NRG3: variants seen among roughly 807,000 people sequenced by gnomAD.
NRG3 encodes neuregulin 3, also known as pro-neuregulin-3, membrane-bound isoform.
In NRG3, 31 loss-of-function variants were observed where a neutral mutation model predicts 66.9. That is an observed-to-expected ratio of 0.46 (90% confidence interval 0.35 to 0.63). The LOEUF (loss-of-function observed/expected upper bound fraction) is 0.63. NRG3 is among the 20% of genes least tolerant of loss of function. NRG3 has a pLI of 0.00. For synonymous variants in NRG3, 393 were observed against 359.4 expected (o/e 1.09, Z -1.06); for missense variants, 910 against 878.9 (o/e 1.04, Z -0.45).
At chr10:82,172,302 T>C (rs1336538186) in intron 1 of NRG3, among the ~76,000 whole-genome samples, 1 of 152,122 alleles carries the variant, frequency 6.6e-6, no homozygotes, top group African/African-American at 2.4e-5. Flanking sequence ...CCGTGTTGTC[T>C]AAAAGGCTAA....
intron 2 of NRG3, among the ~76,000 whole-genome samples, chr10:82,678,314 C>G (rs943488283): frequency 6.6e-6 from 1 of 151,418 alleles, no homozygotes. Flanking sequence ...GGGGTGGGAC[C>G]GTTTTATAAG....
chr10:82,815,180 G>T (rs73307250), intron 3 of NRG3, among the ~76,000 whole-genome samples: 1,790 of 152,284 alleles, frequency 0.012, 35 homozygotes, highest in African/African-American at 0.041. Context: ...ATGGCATCCT[G>T]ATGAAAGTTT....
At chr10:82,949,658 C>T (rs959658504) in intron 4 of NRG3, among the ~76,000 whole-genome samples, 19 of 151,984 alleles carry the variant, frequency 1.3e-4, no homozygotes, top group Non-Finnish European at 2.9e-5. Flanking sequence ...AGTTCGAGAC[C>T]AGTCTGGCCA....
chr10:82,542,426 T>G (rs1407350357), intron 2 of NRG3, among the ~76,000 whole-genome samples: 2 of 152,110 alleles, frequency 1.3e-5, no homozygotes, highest in East Asian at 3.9e-4. Context: ...ACCCAGTAAG[T>G]GAAACAAGAT....
At chr10:82,894,743 T>C (rs1389405256) in intron 4 of NRG3, among the ~76,000 whole-genome samples, 4 of 152,190 alleles carry the variant, frequency 2.6e-5, no homozygotes, top group African/African-American at 9.7e-5. Context: ...TAATTTTTTT[T>C]TTAACTTTAA....
chr10:82,188,493 A>G (rs1156709664), intron 1 of NRG3, among the ~76,000 whole-genome samples: 1 of 152,178 alleles, frequency 6.6e-6, no homozygotes, highest in African/African-American at 2.4e-5. Context: ...CAAAGGATAC[A>G]GTCAACAAAG....
intron 1 of NRG3, among the ~76,000 whole-genome samples, chr10:82,146,919 C>T (rs1436598553): frequency 1.3e-5 from 2 of 152,160 alleles, no homozygotes; most frequent in Non-Finnish European, 2.9e-5. Context: ...AGTGAGTAGA[C>T]TGTCTGGGTC....
intron 1 of NRG3, among the ~76,000 whole-genome samples, chr10:82,132,489 T>TCATATATATATATC (rs373173389): frequency 1.8e-5 from 1 of 56,834 alleles, no homozygotes; most frequent in African/African-American, 7.9e-5. Flanking sequence ...GATATATATA[T>TCATATATATATATC]ATGATATATA....
intron 2 of NRG3, among the ~76,000 whole-genome samples, chr10:82,567,144 T>G (rs1179418577): frequency 1.3e-5 from 2 of 151,922 alleles, no homozygotes; most frequent in Non-Finnish European, 2.9e-5. Context: ...ATATTGGAAA[T>G]GAAGATTTTT....
At chr10:82,531,498 T>C (rs530855948) in intron 2 of NRG3, among the ~76,000 whole-genome samples, 6 of 151,952 alleles carry the variant, frequency 3.9e-5, no homozygotes, top group African/African-American at 1.2e-4. Context: ...ACATTGTTTT[T>C]GAATAGAAAT....
chr10:82,004,156 A>G (rs2061290014), intron 1 of NRG3, among the ~76,000 whole-genome samples: 1 of 152,194 alleles, frequency 6.6e-6, no homozygotes, highest in African/African-American at 2.4e-5. Flanking sequence ...AAAATAGGGT[A>G]CATGCCATGT....
At chr10:82,588,791 G>T (rs1260970210) in intron 2 of NRG3, among the ~76,000 whole-genome samples, 1 of 152,068 alleles carries the variant, frequency 6.6e-6, no homozygotes, top group Non-Finnish European at 1.5e-5. Flanking sequence ...GTGAGCCACC[G>T]CACCCAGCCT....
intron 1 of NRG3, among the ~76,000 whole-genome samples, chr10:82,317,320 G>C (rs1416274994): frequency 3.3e-5 from 5 of 151,666 alleles, no homozygotes; most frequent in Admixed American, 6.6e-5. Flanking sequence ...CTAAATGTCA[G>C]ATCCAGGAAG....
chr10:82,887,586 G>A (rs1458576489), intron 4 of NRG3, among the ~76,000 whole-genome samples: 1 of 152,172 alleles, frequency 6.6e-6, no homozygotes, highest in African/African-American at 2.4e-5. Context: ...GAAGTATTTT[G>A]TGCAGTTTAT....
chr10:81,897,607 G>T (rs1324446466), intron 1 of NRG3, among the ~76,000 whole-genome samples: 2 of 152,152 alleles, frequency 1.3e-5, no homozygotes, highest in Non-Finnish European at 2.9e-5. Flanking sequence ...GGATTGGGTG[G>T]GGGGATGGGG....
intron 1 of NRG3, among the ~76,000 whole-genome samples, chr10:81,936,447 G>T (rs1192139626): frequency 1.3e-5 from 2 of 152,080 alleles, no homozygotes; most frequent in African/African-American, 4.8e-5. Flanking sequence ...TCAGCTTGGT[G>T]TTTTATGACT....
At chr10:82,478,194 C>A (rs1841957163) in intron 2 of NRG3, among the ~76,000 whole-genome samples, 1 of 148,056 alleles carries the variant, frequency 6.8e-6, no homozygotes. Context: ...ACAGCTCCAG[C>A]TATTTGAGAT....
chr10:82,917,503 C>T (rs11196467), intron 4 of NRG3, among the ~76,000 whole-genome samples: 5,291 of 152,244 alleles, frequency 0.035, 187 homozygotes, highest in South Asian at 0.16. Flanking sequence ...CCTAGTTAAC[C>T]TGTAGCAGGT....
At chr10:82,060,521 G>GT (rs767483697) in intron 1 of NRG3, among the ~76,000 whole-genome samples, 2 of 151,972 alleles carry the variant, frequency 1.3e-5, no homozygotes, top group African/African-American at 4.8e-5. Flanking sequence ...AATAGGGAAC[G>GT]TTTTAAGTGA....
Sources: allele counts gnomAD v4.1 joint callset (sites outside exome capture counted in the v4.1 genomes callset), GRCh38; gene constraint gnomAD v4.1.1; transcripts MANE v1.5; gene names NCBI Gene and HGNC (gene_info 2026-07-23, HGNC 2026-07-21).